The following FSHR variants were observed in gnomAD, a reference collection of about 807,000 sequenced individuals.
The protein encoded by FSHR is follicle stimulating hormone receptor, also known as follicle-stimulating hormone receptor.
FSHR carries 46 observed loss-of-function variants against 52.1 expected under a neutral mutation model. The ratio of observed to expected loss-of-function variants is 0.88; its 90% CI spans 0.70 to 1.13. The LOEUF is 1.13. Among genes scored for constraint, FSHR ranks in the 50% most tolerant of loss-of-function variants. The probability of loss-of-function intolerance (pLI) is 0.00; values close to 1 mark genes in which losing one functional copy is unlikely to be tolerated. For missense variants in FSHR, 964 were observed against 834.6 expected (o/e 1.16, Z -1.91); for synonymous variants, 399 against 309.6 (o/e 1.29, Z -3.03).
chr2:49,024,503 G>T (rs1667851993), intron 2 of FSHR, among the ~76,000 whole-genome samples: 1 of 152,126 alleles, frequency 6.6e-6, no homozygotes, highest in Non-Finnish European at 1.5e-5. Context: ...GAACCTGGGA[G>T]GAGTTTGCAG....
At chr2:49,086,759 G>T (rs1670408062) in intron 1 of FSHR, among the ~76,000 whole-genome samples, 1 of 152,130 alleles carries the variant, frequency 6.6e-6, no homozygotes, top group South Asian at 2.1e-4. Context: ...TCCCACCTCA[G>T]CCTCCCAGGT....
Position 49,127,751 on chromosome 2 carries a change from TTTCTTCTTCTTCTTCTTCTTCTTC to T in FSHR, c.152+26491_152+26514del, listed in dbSNP as rs1345639633. On this transcript the variant is annotated intron_variant, in intron 1 of 9. Transcript: ENST00000406846. ...ATTTGTGCATGATTTCTTCTTCTTC[TTTCTTCTTCTTCTTCTTCTTCTTC>T]TTCTTCTTCTTCTTCTTCTTCTTCT... is the stretch of plus-strand genomic sequence containing the variant. 7.4e-3 allele frequency among the ~76,000 whole-genome samples: 575 copies of T among 77,510 alleles called. 15 individuals are homozygous for T. Among genetic ancestry groups the T allele is most frequent in the Middle Eastern group, 0.012 (2 of 172 alleles). The allele number at this position is 77,510 out of a possible 152,430, so 50.8% of individuals were successfully genotyped here. A position where few individuals can be genotyped will look rare whatever the true frequency, so the allele number is the denominator to read the frequency against.
At position 49,044,444 on chromosome 2, in the gene FSHR, A is replaced by G. The variant is rs556869775; in HGVS notation, c.224+23775T>C. Among the ~76,000 whole-genome samples, 87 of 152,272 alleles carry G rather than the reference A, an allele frequency of 5.7e-4. 1 individual carries two copies. Among genetic ancestry groups the G allele is most frequent in the South Asian group, 2.1e-3 (10 of 4,818 alleles). ...GGTAATGAACTCTTATTGCTGCTAT[A>G]AACTTGATGAATGGCTTGTGGAGGA... On this transcript the variant is annotated intron_variant, in intron 2 of 9. Coordinates refer to ENST00000406846, the MANE Select transcript of FSHR (RefSeq NM_000145.4).
intron 1 of FSHR, among the ~76,000 whole-genome samples, chr2:49,128,073 G>C (rs1216598962): frequency 6.6e-6 from 1 of 151,324 alleles, no homozygotes; most frequent in African/African-American, 2.4e-5. Context: ...GTAGAGATGG[G>C]GTTTCACCAT....
intron 2 of FSHR, among the ~76,000 whole-genome samples, chr2:49,065,076 T>C (rs1487658726): frequency 6.6e-6 from 1 of 152,154 alleles, no homozygotes; most frequent in Non-Finnish European, 1.5e-5. Context: ...TGTCACATTC[T>C]AAATATGCAA....
intron 2 of FSHR, among the ~76,000 whole-genome samples, chr2:49,067,412 G>T (rs141187690): frequency 1.5e-4 from 23 of 152,162 alleles, no homozygotes; most frequent in African/African-American, 5.1e-4. Flanking sequence ...TGAACTAAAG[G>T]TTTTCTTTCT....
chr2:49,015,436 G>A (rs1026932145), intron 4 of FSHR, among the ~76,000 whole-genome samples: 1 of 152,112 alleles, frequency 6.6e-6, no homozygotes, highest in African/African-American at 2.4e-5. Context: ...ATTTATTAAT[G>A]TTTTTGAGCA....
At chr2:49,098,007 C>A (rs1371953950) in intron 1 of FSHR, among the ~76,000 whole-genome samples, 1 of 152,138 alleles carries the variant, frequency 6.6e-6, no homozygotes, top group East Asian at 1.9e-4. Context: ...ATCATTCATT[C>A]ATCCAATAAA....
intron 2 of FSHR, among the ~76,000 whole-genome samples, chr2:49,047,491 T>C (rs1409890192): frequency 1.3e-5 from 2 of 152,224 alleles, no homozygotes; most frequent in African/African-American, 4.8e-5. Flanking sequence ...TTTAAGTGTA[T>C]GTACACACAG....
intron 2 of FSHR, among the ~76,000 whole-genome samples, chr2:49,051,807 G>T (rs79979316): frequency 6.6e-6 from 1 of 151,776 alleles, no homozygotes; most frequent in Non-Finnish European, 1.5e-5. Flanking sequence ...TCTCCTAACA[G>T]TTTTAAAATT....
At chr2:49,082,813 C>T (rs372290922) in intron 1 of FSHR, among the ~76,000 whole-genome samples, 13 of 152,142 alleles carry the variant, frequency 8.5e-5, no homozygotes, top group African/African-American at 2.2e-4. Context: ...TAAAAAGAAA[C>T]GAGCAAAGCC....
At chr2:49,119,889 G>A (rs1002738428) in intron 1 of FSHR, among the ~76,000 whole-genome samples, 1 of 152,186 alleles carries the variant, frequency 6.6e-6, no homozygotes, top group Non-Finnish European at 1.5e-5. Context: ...TCTCTACATT[G>A]TAGGGTTACC....
At chr2:49,000,235 A>G (rs758978000) in intron 4 of FSHR, among the ~76,000 whole-genome samples, 3 of 152,142 alleles carry the variant, frequency 2.0e-5, no homozygotes, top group African/African-American at 4.8e-5. Flanking sequence ...TGTAAATGAT[A>G]TCAGTCTCAA....
At chr2:49,147,817 C>T (rs749607787) in intron 1 of FSHR, among the ~76,000 whole-genome samples, 1 of 151,788 alleles carries the variant, frequency 6.6e-6, no homozygotes, top group African/African-American at 2.4e-5. Flanking sequence ...CATATCATTT[C>T]TCACAAAAGT....
Position 49,020,076 on chromosome 2 carries a change from T to G in FSHR, c.299+10A>C, listed in dbSNP as rs200981622. 470 of 1,611,468 alleles carry G rather than the reference T, an allele frequency of 2.9e-4. 3 individuals are homozygous for G. In the African/African-American group the frequency reaches 5.9e-3, roughly 20 times the overall value. On this transcript the variant is annotated intron_variant, in intron 3 of 9. Transcript: ENST00000406846. ...TGGCCATGAGCAAATCCCCCAATCT[T>G]CTTGCTTACATTTCATGTAATTTGG... is the stretch of plus-strand genomic sequence containing the variant.
intron 2 of FSHR, among the ~76,000 whole-genome samples, chr2:49,058,342 A>C (rs1217721610): frequency 6.6e-6 from 1 of 152,006 alleles, no homozygotes; most frequent in Admixed American, 6.6e-5. Flanking sequence ...AGGTCAGGAG[A>C]TTGAGAACAT....
At chr2:48,970,197 A>T (rs933441920) in intron 8 of FSHR, among the ~76,000 whole-genome samples, 1 of 152,160 alleles carries the variant, frequency 6.6e-6, no homozygotes, top group Non-Finnish European at 1.5e-5. Flanking sequence ...CTTGCTCAAA[A>T]ATTTATAATG....
chr2:49,061,464 G>T (rs933526002), intron 2 of FSHR, among the ~76,000 whole-genome samples: 4 of 148,852 alleles, frequency 2.7e-5, no homozygotes, highest in African/African-American at 9.9e-5. Flanking sequence ...AGACAAAAAG[G>T]GACATTATAT....
At chr2:49,068,198 A>G in intron 2 of FSHR, 21 bp downstream of exon 2, 1 of 1,595,958 alleles carries the variant, frequency 6.3e-7, no homozygotes, top group Non-Finnish European at 8.6e-7. Flanking sequence ...GCATTCACTC[A>G]CAGCAGTGCT....
Sources: gnomAD v4.1 joint callset for allele counts (sites outside exome capture counted in the v4.1 genomes callset) on GRCh38, gnomAD v4.1.1 for gene constraint, MANE v1.5 for transcripts, NCBI Gene and HGNC (gene_info 2026-07-23, HGNC 2026-07-21) for gene names.